Variants in KANK1 observed in about 807,000 individuals in gnomAD.
KANK1 encodes the protein KN motif and ankyrin repeat domain-containing protein 1.
A neutral mutation model predicts 106.2 loss-of-function variants in KANK1; 109 were observed. The ratio of observed to expected loss-of-function variants is 1.03; its 90% CI spans 0.88 to 1.20. The LOEUF is 1.20. KANK1 is among the 50% of genes most tolerant of loss of function. The pLI is 0.00. For missense variants in KANK1, 2,399 were observed against 1,710.7 expected, an observed-to-expected ratio of 1.40 and a Z score of -7.10; for synonymous variants, 873 against 652.2, an observed-to-expected ratio of 1.34 and a Z score of -5.16.
At chr9:541,834 A>C (rs542718040) in intron 1 of KANK1, among the ~76,000 whole-genome samples, 209 of 152,296 alleles carry the variant, frequency 1.4e-3, no homozygotes, top group African/African-American at 4.6e-3. Flanking sequence ...TCACGCCTGT[A>C]ATCCCAGCAC....
upstream of KANK1, among the ~76,000 whole-genome samples, chr9:503,541 T>C (rs1173727474): frequency 6.6e-6 from 1 of 152,182 alleles, no homozygotes; most frequent in Non-Finnish European, 1.5e-5. Context: ...TTGTGAAGTT[T>C]GATGGCTCTT....
intron 2 of KANK1, among the ~76,000 whole-genome samples, chr9:695,564 T>C (rs1454243390): frequency 6.6e-6 from 1 of 151,188 alleles, no homozygotes; most frequent in Non-Finnish European, 1.5e-5. Flanking sequence ...GCAGACTTAC[T>C]TGGTCTTGAA....
chr9:488,183 G>T (rs1160653967), intron 3 of KANK1, among the ~76,000 whole-genome samples: 1 of 152,152 alleles, frequency 6.6e-6, no homozygotes, highest in Non-Finnish European at 1.5e-5. Context: ...GCATGTTGGG[G>T]TATGGTTCTT....
At chr9:545,617 G>A (rs1183863123) in intron 1 of KANK1, among the ~76,000 whole-genome samples, 2 of 151,832 alleles carry the variant, frequency 1.3e-5, no homozygotes, top group African/African-American at 2.4e-5. Flanking sequence ...CTCCTGCAGA[G>A]CCAAGAGAAT....
intron 1 of KANK1, among the ~76,000 whole-genome samples, chr9:575,425 T>C (rs1006443860): frequency 1.4e-4 from 21 of 151,246 alleles, no homozygotes; most frequent in African/African-American, 4.9e-4. Context: ...TCCAGCACTT[T>C]GGGAGACTGA....
chr9:527,488 A>T (rs750667761), intron 1 of KANK1, among the ~76,000 whole-genome samples: 1 of 151,376 alleles, frequency 6.6e-6, no homozygotes, highest in African/African-American at 2.5e-5. Flanking sequence ...TTTGGTAGAG[A>T]TGGGGTTTCA....
At chr9:576,638 C>T (rs1046662796) in intron 1 of KANK1, among the ~76,000 whole-genome samples, 1 of 152,118 alleles carries the variant, frequency 6.6e-6, no homozygotes, top group Non-Finnish European at 1.5e-5. Context: ...GGGGACTGTA[C>T]ATTTCCTCAT....
chr9:688,779 C>T (rs374950137), intron 2 of KANK1, among the ~76,000 whole-genome samples: 9 of 152,246 alleles, frequency 5.9e-5, no homozygotes, highest in African/African-American at 2.2e-4. Context: ...ATGTTAGCAG[C>T]ACAACCAGAT....
At chr9:529,513 A>AT (rs928843587) in intron 1 of KANK1, among the ~76,000 whole-genome samples, 2 of 1,974 alleles carry the variant, frequency 1.0e-3, no homozygotes, top group Non-Finnish European at 1.5e-3. Flanking sequence ...ACATATTTTT[A>AT]AAATGTGTGT....
intron 2 of KANK1, among the ~76,000 whole-genome samples, chr9:680,683 T>G (rs933197406): frequency 6.6e-6 from 1 of 152,172 alleles, no homozygotes; most frequent in Non-Finnish European, 1.5e-5. Context: ...AAGTCTCCTG[T>G]GTACACGGTT....
At chr9:713,814 A>AG (rs1280691559) in intron 3 of KANK1, among the ~76,000 whole-genome samples, 1 of 151,914 alleles carries the variant, frequency 6.6e-6, no homozygotes, top group Non-Finnish European at 1.5e-5. Context: ...ACTGCCTTTA[A>AG]AAAATCCTAC....
rs1189509437 is a variant in KANK1 at position 711,581 on chromosome 9, A to C, written c.815A>C (p.Lys272Thr). Reference protein sequence around the residue: ...HIREQMAIALKRLKELEEQVR... With the variant: ...HIREQMAIALTRLKELEEQVR... The stretch of plus-strand genomic sequence containing the variant: ...CGCGAGCAGATGGCCATTGCTCTGA[A>C]ACGCCTGAAGGAGCTGGAGGAGCAG... The change falls in exon 3 of 12, where the codon AAA (lysine) becomes ACA (threonine). Residue 272 changes from lysine to threonine, a missense_variant. Coordinates refer to ENST00000382297, the MANE Select transcript of KANK1 (RefSeq NM_015158.5). 6.2e-7 allele frequency: 1 copy of C among 1,614,088 alleles called. No individual in the cohort carries two copies. Among genetic ancestry groups the C allele is most frequent in the Non-Finnish European group, 8.5e-7 (1 of 1,180,002 alleles).
intron 1 of KANK1, among the ~76,000 whole-genome samples, chr9:519,642 AC>A (rs201866439): frequency 0.015 from 2,298 of 151,838 alleles, 34 homozygotes; most frequent in South Asian, 0.034. Flanking sequence ...CCAGACAATT[AC>A]ATTTCCTTAT....
In KANK1 at chr9:730,466, C is replaced by T. The variant is rs557848575; in HGVS notation, c.2896+218C>T. 1.7e-5 allele frequency: 9 copies of T among 526,876 alleles called. No homozygotes were observed. The East Asian group carries it at 2.1e-4, about 12-fold the overall frequency. 32.6% of individuals were successfully genotyped at this position (526,876 alleles called of 1,614,324 possible). On this transcript the variant is annotated intron_variant, in intron 4 of 11. Transcript: ENST00000382297. ...CAGCACTTTGGGAGGCCAAGGCAGG[C>T]AGATCATTTGAGGCCAGGAGTTCGA... is the stretch of plus-strand genomic sequence containing the variant.
At chr9:690,921 C>T (rs117089943) in intron 2 of KANK1, among the ~76,000 whole-genome samples, 2,058 of 152,276 alleles carry the variant, frequency 0.014, 12 homozygotes, top group Non-Finnish European at 0.022. Context: ...GGCTACTCTC[C>T]GCCTGTCAGA....
rs114719213 is a variant in KANK1, at chr9:643,156, G to C, written c.-83-33734G>C. 1.7e-3 allele frequency among the ~76,000 whole-genome samples: 252 copies of C among 150,744 alleles called. 16 individuals are homozygous for C. Among genetic ancestry groups the C allele is most frequent in the African/African-American group, 5.9e-3 (238 of 40,160 alleles). On this transcript the variant is annotated intron_variant, in intron 1 of 11. Coordinates refer to ENST00000382297, the MANE Select transcript of KANK1 (RefSeq NM_015158.5). ...TTGAACCAAGGATCTGTTGAAGATGGGGAGTGACTCTCATTCATCTCCATC... is the reference window on the plus strand; with the variant it reads ...TTGAACCAAGGATCTGTTGAAGATGCGGAGTGACTCTCATTCATCTCCATC...
At chr9:562,100 C>T (rs1019912293) in intron 1 of KANK1, among the ~76,000 whole-genome samples, 10 of 127,644 alleles carry the variant, frequency 7.8e-5, no homozygotes, top group African/African-American at 2.3e-4. Flanking sequence ...GGCCGGACTG[C>T]GGACTGCAGT....
chr9:731,176 G>A lies in KANK1; in HGVS notation c.2915G>A (p.Ser972Asn). Reference sequence around the variant, plus strand: ...TTCACAGCATGTACAAACAATGAAAGTACACTGAAGTCCATCATGAAGAAG... The same window carrying A: ...TTCACAGCATGTACAAACAATGAAAATACACTGAAGTCCATCATGAAGAAG... ...AGLYACTNNE[S>N]TLKSIMKKKD... Residue 972 changes from serine (S) to asparagine (N), a missense_variant, in exon 5 of 12, where the codon AGT (serine) becomes AAT (asparagine). Ser to Asn is a conservative substitution (Grantham distance 46, BLOSUM62 1). Coordinates refer to ENST00000382297, the MANE Select transcript of KANK1 (RefSeq NM_015158.5). 6.2e-7 allele frequency: 1 copy of A among 1,607,166 alleles called. No homozygotes were observed. Among genetic ancestry groups the A allele is most frequent in the South Asian group, 1.1e-5 (1 of 90,644 alleles).
chr9:596,444 C>G (rs1826228993), intron 1 of KANK1, among the ~76,000 whole-genome samples: 2 of 151,778 alleles, frequency 1.3e-5, no homozygotes, highest in South Asian at 4.1e-4. Flanking sequence ...GTCCTCTGAG[C>G]CCCTATGCTA....
Sources: gnomAD v4.1 joint callset for allele counts (sites outside exome capture counted in the v4.1 genomes callset) on GRCh38, gnomAD v4.1.1 for gene constraint, MANE v1.5 for transcripts, NCBI Gene and HGNC (gene_info 2026-07-23, HGNC 2026-07-21) for gene names.